SLC16A10: variants seen among roughly 807,000 people sequenced by gnomAD.
The protein encoded by SLC16A10 is solute carrier family 16 member 10.
SLC16A10 carries 27 observed loss-of-function variants against 40.0 expected under a neutral mutation model. The ratio of observed to expected loss-of-function variants is 0.67; its 90% CI spans 0.50 to 0.93. The LOEUF (loss-of-function observed/expected upper bound fraction) is 0.93, where lower values mean the gene tolerates loss of function less well. Ranked by LOEUF, SLC16A10 falls within the 40% of genes least tolerant of loss-of-function variation. The pLI is 0.00. For synonymous variants in SLC16A10, 213 were observed against 249.8 expected, an observed-to-expected ratio of 0.85 and a Z score of 1.39; for missense variants, 529 against 658.2, an observed-to-expected ratio of 0.80 and a Z score of 2.15.
intron 3 of SLC16A10, among the ~76,000 whole-genome samples, chr6:111,198,148 A>G (rs545505124): frequency 1.3e-5 from 2 of 152,112 alleles, no homozygotes; most frequent in African/African-American, 2.4e-5. Flanking sequence ...CTAGCTGGGC[A>G]TGGTGGCACA....
At chr6:111,112,478 G>A (rs1016544791) in intron 1 of SLC16A10, among the ~76,000 whole-genome samples, 1 of 152,174 alleles carries the variant, frequency 6.6e-6, no homozygotes, top group African/African-American at 2.4e-5. Context: ...GAGTGCAGGG[G>A]CTGTGTCTGT....
At chr6:111,165,883 A>C (rs776066963) in intron 1 of SLC16A10, among the ~76,000 whole-genome samples, 4 of 152,214 alleles carry the variant, frequency 2.6e-5, no homozygotes, top group Non-Finnish European at 4.4e-5. Flanking sequence ...AAAATGGCAG[A>C]GACCAAAAGA....
intron 3 of SLC16A10, among the ~76,000 whole-genome samples, chr6:111,188,306 C>A (rs556278459): frequency 6.6e-6 from 1 of 151,982 alleles, no homozygotes; most frequent in Admixed American, 6.6e-5. Flanking sequence ...TCCCTCCCTC[C>A]CTTCTTTCCT....
rs1770890785 is a variant in SLC16A10 at position 111,087,659 on chromosome 6, T to G, written c.-94T>G. The G allele has an allele frequency of 1.4e-5, 10 of 712,610 alleles. No homozygotes were observed. The highest frequency in any genetic ancestry group is 1.9e-5 in the Non-Finnish European group (10 of 530,092). The allele number at this position is 712,610 out of a possible 1,614,324, so 44.1% of individuals were successfully genotyped here. A position where few individuals can be genotyped will look rare whatever the true frequency, so the allele number is the denominator to read the frequency against. ...CTCCGCCGCCCTCGCCTCGGCCTCG[T>G]TAGCCCGCCAGGAGCCCCGCAGCTC... On this transcript the variant is annotated 5_prime_UTR_variant, in exon 1 of 6. Coordinates refer to ENST00000368851, the MANE Select transcript of SLC16A10 (RefSeq NM_018593.5).
At chr6:111,088,370 A>G (rs1299709618) in intron 1 of SLC16A10, among the ~76,000 whole-genome samples, 3 of 152,206 alleles carry the variant, frequency 2.0e-5, no homozygotes, top group Non-Finnish European at 4.4e-5. Flanking sequence ...TCCCCTCAGC[A>G]GAGCAGACGC....
chr6:111,187,876 C>G (rs569582393), intron 3 of SLC16A10, among the ~76,000 whole-genome samples: 1 of 152,282 alleles, frequency 6.6e-6, no homozygotes, highest in African/African-American at 2.4e-5. Context: ...TTGTCCCTGA[C>G]AATGCAAGGC....
chr6:111,221,935 G>A (rs1368215501), intron 5 of SLC16A10, 68 bp from the exon 6 acceptor site: 1 of 1,428,134 alleles, frequency 7.0e-7, no homozygotes. Context: ...AATCAGTCCT[G>A]TGGCTGATCT....
chr6:111,189,350 A>G (rs1772952134), intron 3 of SLC16A10, among the ~76,000 whole-genome samples: 1 of 152,178 alleles, frequency 6.6e-6, no homozygotes, highest in African/African-American at 2.4e-5. Flanking sequence ...ACAGCTTTCT[A>G]TTGCCCTTGG....
intron 3 of SLC16A10, among the ~76,000 whole-genome samples, chr6:111,178,121 A>G (rs996999343): frequency 2.0e-5 from 3 of 152,220 alleles, no homozygotes; most frequent in African/African-American, 7.2e-5. Context: ...TTTTCTTCAT[A>G]TGGCTTTTAT....
chr6:111,184,334 T>C (rs1015968607), intron 3 of SLC16A10, among the ~76,000 whole-genome samples: 1 of 152,224 alleles, frequency 6.6e-6, no homozygotes, highest in African/African-American at 2.4e-5. Flanking sequence ...GGGTTGACTT[T>C]GTGGCAGATA....
chr6:111,165,130 G>A (rs1772448646), intron 1 of SLC16A10, among the ~76,000 whole-genome samples: 1 of 152,182 alleles, frequency 6.6e-6, no homozygotes, highest in Non-Finnish European at 1.5e-5. Flanking sequence ...TCAGGATGGA[G>A]CCCTTCAAGA....
Position 111,107,532 on chromosome 6 carries a change from T to C in SLC16A10, c.343+19437T>C, listed in dbSNP as rs1037416309. 7.2e-5 allele frequency among the ~76,000 whole-genome samples: 11 copies of C among 152,338 alleles called. 1 individual carries two copies. Among genetic ancestry groups the C allele is most frequent in the South Asian group, 2.1e-4 (1 of 4,828 alleles). Reference sequence around the variant, plus strand: ...GAAGCCCACAGCAGTAGACCATCCGTGTCAATTTTCAAGGAAAAAATTAAT... The same window carrying C: ...GAAGCCCACAGCAGTAGACCATCCGCGTCAATTTTCAAGGAAAAAATTAAT... On this transcript the variant is annotated intron_variant, in intron 1 of 5. Coordinates refer to ENST00000368851, the MANE Select transcript of SLC16A10 (RefSeq NM_018593.5).
chr6:111,176,668 A>G (rs1041590647), intron 2 of SLC16A10, among the ~76,000 whole-genome samples: 9 of 152,320 alleles, frequency 5.9e-5, no homozygotes, highest in Admixed American at 3.9e-4. Flanking sequence ...GCACAACTGC[A>G]CCTCTGTGCA....
At chr6:111,212,733 C>A (rs1773363673) in intron 4 of SLC16A10, among the ~76,000 whole-genome samples, 1 of 150,698 alleles carries the variant, frequency 6.6e-6, no homozygotes, top group Non-Finnish European at 1.5e-5. Flanking sequence ...GTTGAGGCTG[C>A]AGTGAGCTGT....
chr6:111,100,974 CTCTCTCTCTCTCTCTCTCTATATA>C (rs1771169377), intron 1 of SLC16A10, among the ~76,000 whole-genome samples: 2 of 123,200 alleles, frequency 1.6e-5, no homozygotes, highest in African/African-American at 6.7e-5. Context: ...CTCTCTCTCT[CTCTCTCTCTCTCTCTCTCTATATA>C]TATATATATA....
rs1771067805 is a variant in SLC16A10, at chr6:111,229,501, T to TA, written c.*7267dup. The TA allele has an allele frequency of 6.6e-6, 1 of 152,196 alleles. No individual in the cohort carries two copies. Among genetic ancestry groups the TA allele is most frequent in the Non-Finnish European group, 1.5e-5 (1 of 68,036 alleles). The allele number at this position is 152,196 out of a possible 1,614,324, so 9.4% of individuals were successfully genotyped here. A position where few individuals can be genotyped will look rare whatever the true frequency, so the allele number is the denominator to read the frequency against. On this transcript the variant is annotated 3_prime_UTR_variant, in exon 6 of 6. Coordinates refer to ENST00000368851, the MANE Select transcript of SLC16A10 (RefSeq NM_018593.5). ...TAACTTTGAGGCAATGTGAAAAAGT[T>TA]ATATATAATAGCTTCCTATTGAGCT...
intron 1 of SLC16A10, among the ~76,000 whole-genome samples, chr6:111,129,588 C>G (rs994164918): frequency 2.0e-5 from 3 of 152,120 alleles, no homozygotes; most frequent in African/African-American, 7.2e-5. Context: ...CAGTTTAACT[C>G]AAAGTGGTTT....
chr6:111,104,632 A>G (rs985013347), intron 1 of SLC16A10, among the ~76,000 whole-genome samples: 9 of 152,204 alleles, frequency 5.9e-5, no homozygotes, highest in Non-Finnish European at 8.8e-5. Context: ...AAGGGTCAGC[A>G]AGACATCAAG....
Position 111,226,841 on chromosome 6 carries a change from T to TAAGGCCATGTGTGG in SLC16A10, c.*4607_*4608insAGGCCATGTGTGGA, listed in dbSNP as rs1167339091. ...CTTGCTACTTTACTGACTTAATCAT[T>TAAGGCCATGTGTGG]AGTTCTAAGGCCATGTGTGGCGGCT... On this transcript the variant is annotated 3_prime_UTR_variant, in exon 6 of 6. Transcript: ENST00000368851. The TAAGGCCATGTGTGG allele has an allele frequency of 6.6e-6, 1 of 152,238 alleles. No homozygotes were observed. The highest frequency in any genetic ancestry group is 2.4e-5 in the African/African-American group (1 of 41,466). 9.4% of individuals were successfully genotyped at this position (152,238 alleles called of 1,614,324 possible).
Sources: gnomAD v4.1 joint callset for allele counts (sites outside exome capture counted in the v4.1 genomes callset) on GRCh38, gnomAD v4.1.1 for gene constraint, MANE v1.5 for transcripts, NCBI Gene and HGNC (gene_info 2026-07-23, HGNC 2026-07-21) for gene names.